The following SIPA1L1 variants were observed in gnomAD, a reference collection of about 807,000 sequenced individuals.
The protein encoded by SIPA1L1 is signal induced proliferation associated 1 like 1, also known as signal-induced proliferation-associated 1-like protein 1.
SIPA1L1 carries 26 observed loss-of-function variants against 162.7 expected under a neutral mutation model. The observed-to-expected ratio is 0.16, with a 90% CI of 0.12 to 0.22. SIPA1L1 has a LOEUF of 0.22. SIPA1L1 is among the 10% of genes least tolerant of loss of function. SIPA1L1 has a pLI of 1.00. For missense variants in SIPA1L1, 1,874 were observed against 2,241.0 expected, an observed-to-expected ratio of 0.84 and a Z score of 3.31; for synonymous variants, 829 against 837.4, an observed-to-expected ratio of 0.99 and a Z score of 0.17.
intron 2 of SIPA1L1, among the ~76,000 whole-genome samples, chr14:71,326,856 C>T (rs1182560514): frequency 6.6e-6 from 1 of 150,540 alleles, no homozygotes; most frequent in African/African-American, 2.4e-5. Flanking sequence ...GGATTACAGG[C>T]GTGTGCCACC....
At chr14:71,677,718 TATTAAATAGGG>T (rs1406716328) in intron 12 of SIPA1L1, among the ~76,000 whole-genome samples, 1 of 152,208 alleles carries the variant, frequency 6.6e-6, no homozygotes, top group Non-Finnish European at 1.5e-5. Flanking sequence ...CAGCATCATT[TATTAAATAGGG>T]AATCCTGTGC....
chr14:71,500,639 G>T (rs914194743), intron 2 of SIPA1L1, among the ~76,000 whole-genome samples: 5 of 152,154 alleles, frequency 3.3e-5, no homozygotes, highest in Admixed American at 3.3e-4. Context: ...GTGCCCCAAA[G>T]AATATGCCAA....
intron 2 of SIPA1L1, among the ~76,000 whole-genome samples, chr14:71,409,407 A>G (rs1168721866): frequency 1.3e-5 from 2 of 152,182 alleles, no homozygotes; most frequent in Non-Finnish European, 2.9e-5. Context: ...TTTCTGATAC[A>G]GGATCACAGG....
chr14:71,364,902 C>T (rs2038142426), intron 2 of SIPA1L1, among the ~76,000 whole-genome samples: 1 of 151,900 alleles, frequency 6.6e-6, no homozygotes, highest in African/African-American at 2.4e-5. Flanking sequence ...CATGCCACCA[C>T]ACCCAGCTAA....
At position 71,672,702 on chromosome 14, in the gene SIPA1L1, G is replaced by A. The variant is rs1384796997; in HGVS notation, c.3104+80G>A. 1.2e-5 allele frequency: 17 copies of A among 1,431,908 alleles called. No homozygotes were observed. In the East Asian group the frequency reaches 3.6e-4, roughly 30 times the overall value. 88.7% of individuals were successfully genotyped at this position (1,431,908 alleles called of 1,614,324 possible). A position where few individuals can be genotyped will look rare whatever the true frequency, so the allele number is the denominator to read the frequency against. ...CATGTAGAACATCTCTTAGCAGGTA[G>A]TGGAGTAGGGTGTTGTGAAGAACAA... On this transcript the variant is annotated intron_variant, in intron 12 of 23. Transcript: ENST00000381232.
At chr14:71,661,529 C>T in intron 10 of SIPA1L1, 62 bp downstream of exon 10, 3 of 1,534,210 alleles carry the variant, frequency 2.0e-6, no homozygotes, top group Non-Finnish European at 1.8e-6. Context: ...ATAGAGGCCC[C>T]ATTCAGCTCT....
chr14:71,482,410 A>G (rs942375115), intron 2 of SIPA1L1, among the ~76,000 whole-genome samples: 13 of 152,182 alleles, frequency 8.5e-5, no homozygotes, highest in African/African-American at 2.4e-4. Context: ...CGATTACCCA[A>G]TCTCAACCAA....
chr14:71,443,128 T>A (rs2045048651), intron 2 of SIPA1L1, among the ~76,000 whole-genome samples: 1 of 152,220 alleles, frequency 6.6e-6, no homozygotes, highest in African/African-American at 2.4e-5. Context: ...AACTTTGTGC[T>A]TACAGTGCCT....
At chr14:71,735,071 T>A (rs919408420) in intron 21 of SIPA1L1, among the ~76,000 whole-genome samples, 1 of 152,130 alleles carries the variant, frequency 6.6e-6, no homozygotes, top group Non-Finnish European at 1.5e-5. Flanking sequence ...TCACAAATGT[T>A]TCTTAAAGGG....
At chr14:71,337,980 T>G (rs1398500524) in intron 2 of SIPA1L1, among the ~76,000 whole-genome samples, 1 of 152,136 alleles carries the variant, frequency 6.6e-6, no homozygotes, top group Non-Finnish European at 1.5e-5. Context: ...TCTACTAATT[T>G]CCTCATTTGT....
At chr14:71,618,973 T>G in intron 6 of SIPA1L1, 86 bp downstream of exon 6, 6 of 1,390,686 alleles carry the variant, frequency 4.3e-6, no homozygotes, top group Non-Finnish European at 5.0e-6. Flanking sequence ...TTAAATTTAA[T>G]AGCACATGGT....
intron 2 of SIPA1L1, among the ~76,000 whole-genome samples, chr14:71,502,993 C>G (rs1408667491): frequency 6.6e-6 from 1 of 152,008 alleles, no homozygotes; most frequent in Non-Finnish European, 1.5e-5. Flanking sequence ...ATGCATGTCC[C>G]CCCTTGCTGT....
At chr14:71,475,029 G>A (rs1016530055) in intron 2 of SIPA1L1, among the ~76,000 whole-genome samples, 5 of 152,128 alleles carry the variant, frequency 3.3e-5, no homozygotes, top group Non-Finnish European at 5.9e-5. Context: ...AGCATCTTAG[G>A]CAACAGAAGG....
intron 2 of SIPA1L1, among the ~76,000 whole-genome samples, chr14:71,362,924 CCAGA>C (rs1238096298): frequency 6.6e-6 from 1 of 152,188 alleles, no homozygotes; most frequent in African/African-American, 2.4e-5. Context: ...CTTGAATTCT[CCAGA>C]CAGATTTCCA....
intron 2 of SIPA1L1, among the ~76,000 whole-genome samples, chr14:71,507,645 C>T (rs1181365063): frequency 6.6e-6 from 1 of 152,208 alleles, no homozygotes; most frequent in Non-Finnish European, 1.5e-5. Flanking sequence ...CTTCCTTTCT[C>T]TTACTGTTAC....
intron 2 of SIPA1L1, among the ~76,000 whole-genome samples, chr14:71,486,054 G>A (rs992483532): frequency 6.6e-6 from 1 of 152,114 alleles, no homozygotes; most frequent in African/African-American, 2.4e-5. Flanking sequence ...GAAAACATTG[G>A]AAAACATTTA....
chr14:71,473,632 A>G (rs1187913333), intron 2 of SIPA1L1, among the ~76,000 whole-genome samples: 1 of 152,218 alleles, frequency 6.6e-6, no homozygotes, highest in Non-Finnish European at 1.5e-5. Flanking sequence ...ATAGAAAATA[A>G]AAGGTTAAAC....
chr14:71,544,791 C>G (rs1567183200), intron 4 of SIPA1L1, among the ~76,000 whole-genome samples: 1 of 152,146 alleles, frequency 6.6e-6, no homozygotes, highest in Non-Finnish European at 1.5e-5. Flanking sequence ...TTCTGTTCCA[C>G]TGGTCTCTTT....
At chr14:71,708,015 G>GTTTTTTTTTT (rs34838057) in intron 16 of SIPA1L1, among the ~76,000 whole-genome samples, 4 of 100,298 alleles carry the variant, frequency 4.0e-5, no homozygotes, top group Non-Finnish European at 5.9e-5. Flanking sequence ...GTTTTTTGGT[G>GTTTTTTTTTT]TTTTTTTTTT....
Sources: gnomAD v4.1 joint callset for allele counts (sites outside exome capture counted in the v4.1 genomes callset) on GRCh38, gnomAD v4.1.1 for gene constraint, MANE v1.5 for transcripts, NCBI Gene and HGNC (gene_info 2026-07-23, HGNC 2026-07-21) for gene names.